The following ERCC8 variants were observed in gnomAD, a reference collection of about 807,000 sequenced individuals.
ERCC8 encodes the protein ERCC excision repair 8, CSA ubiquitin ligase complex subunit.
Under a neutral mutation model 54.9 loss-of-function variants are expected in ERCC8, and 52 were observed. The ratio of observed to expected loss-of-function variants is 0.95; its 90% CI spans 0.76 to 1.19. The LOEUF is 1.19. Ranked by LOEUF, ERCC8 falls within the 50% of genes most tolerant of loss-of-function variation. The probability of loss-of-function intolerance (pLI) is 0.00; values close to 1 mark genes in which losing one functional copy is unlikely to be tolerated. For missense variants in ERCC8, 514 were observed against 466.1 expected, an observed-to-expected ratio of 1.10 and a Z score of -0.95; for synonymous variants, 146 against 157.2, an observed-to-expected ratio of 0.93 and a Z score of 0.53.
At position 60,922,036 on chromosome 5, in the gene ERCC8, T is replaced by C; in HGVS notation, c.275+18A>G. On this transcript the variant is annotated intron_variant, in intron 3 of 11. Transcript: ENST00000676185. ...AACTATTTACAAATTCATAAATTTTTACATTTTAAATACATACCTGCCAAT... is the reference window on the plus strand; with the variant it reads ...AACTATTTACAAATTCATAAATTTTCACATTTTAAATACATACCTGCCAAT... 1 of 1,540,154 alleles carries C rather than the reference T, an allele frequency of 6.5e-7. No individual in the cohort carries two copies. The highest frequency in any genetic ancestry group is 8.9e-7 in the Non-Finnish European group (1 of 1,120,442).
intron 4 of ERCC8, among the ~76,000 whole-genome samples, chr5:60,906,594 T>A (rs1302346681): frequency 2.0e-5 from 3 of 151,878 alleles, no homozygotes; most frequent in Non-Finnish European, 4.4e-5. Context: ...CTGGGCGTGG[T>A]GGCAGGCGCC....
chr5:60,938,046 T>TACATAC (rs1750127700), intron 1 of ERCC8, among the ~76,000 whole-genome samples: 1 of 47,674 alleles, frequency 2.1e-5, no homozygotes, highest in South Asian at 7.8e-4. Flanking sequence ...CATACATACA[T>TACATAC]ACATATATAT....
At chr5:60,944,843 C>A (rs914987094) in intron 1 of ERCC8, 89 bp downstream of exon 1, 111 of 956,436 alleles carry the variant, frequency 1.2e-4, no homozygotes, top group Non-Finnish European at 1.8e-4. Context: ...GGCAGGAGAG[C>A]GATGAGACGG....
intron 8 of ERCC8, 52 bp from the exon 9 acceptor site, chr5:60,898,452 T>A (rs745361571): frequency 1.9e-6 from 3 of 1,603,428 alleles, no homozygotes; most frequent in Non-Finnish European, 2.6e-6. Context: ...CAGGACATAT[T>A]TAATGTTTGA....
Position 60,873,210 on chromosome 5 carries a change from T to C in ERCC8, c.*1405A>G, listed in dbSNP as rs574460265. Among the ~76,000 whole-genome samples the C allele has an allele frequency of 1.6e-4, 24 of 152,348 alleles. No individual in the cohort carries two copies. In the South Asian group the frequency reaches 4.8e-3, roughly 30 times the overall value. ...CCATGTGAGGCATATGTCAGTTAGC[T>C]AGATTTAGTCATTCTATAATGTATA... On this transcript the variant is annotated 3_prime_UTR_variant, in exon 12 of 12. Coordinates refer to ENST00000676185, the MANE Select transcript of ERCC8 (RefSeq NM_000082.4).
At chr5:60,881,738 A>T (rs1252960900) in intron 11 of ERCC8, among the ~76,000 whole-genome samples, 2 of 151,974 alleles carry the variant, frequency 1.3e-5, no homozygotes, top group Non-Finnish European at 2.9e-5. Context: ...GAGTGACCCG[A>T]TTTTCCAGGT....
intron 4 of ERCC8, among the ~76,000 whole-genome samples, chr5:60,916,401 G>GT (rs1194101590): frequency 5.3e-5 from 8 of 152,008 alleles, no homozygotes; most frequent in Non-Finnish European, 1.0e-4. Context: ...ATGCATTTCT[G>GT]TAAGTGTTCC....
At chr5:60,927,744 C>G (rs367814734) in intron 2 of ERCC8, among the ~76,000 whole-genome samples, 5 of 152,110 alleles carry the variant, frequency 3.3e-5, no homozygotes, top group African/African-American at 9.7e-5. Context: ...TGAGTGCCCC[C>G]CCAGCTGTCC....
intron 9 of ERCC8, among the ~76,000 whole-genome samples, chr5:60,896,442 C>T (rs2120957): frequency 0.39 from 58,691 of 151,792 alleles, 12,343 homozygotes; most frequent in East Asian, 0.8. Flanking sequence ...GATCTCCTGA[C>T]CTCGTGATCC....
At chr5:60,909,258 A>G in intron 4 of ERCC8, among the ~76,000 whole-genome samples, 1 of 140,138 alleles carries the variant, frequency 7.1e-6, no homozygotes, top group Non-Finnish European at 1.5e-5. Flanking sequence ...AAAAAAAAAA[A>G]AAAAAAAAAA....
intron 11 of ERCC8, among the ~76,000 whole-genome samples, chr5:60,875,699 T>A (rs1363129155): frequency 6.7e-6 from 1 of 150,218 alleles, no homozygotes; most frequent in East Asian, 1.9e-4. Context: ...CTTAGAGAAA[T>A]TTTTTTTTTC....
chr5:60,932,470 G>A (rs908933928), intron 1 of ERCC8, among the ~76,000 whole-genome samples: 4 of 152,078 alleles, frequency 2.6e-5, no homozygotes, highest in South Asian at 2.1e-4. Flanking sequence ...CTTTATGAAC[G>A]GTACCCAGTA....
intron 4 of ERCC8, among the ~76,000 whole-genome samples, chr5:60,908,583 A>ATATATAT (rs527918086): frequency 1.4e-5 from 2 of 141,892 alleles, no homozygotes; most frequent in Admixed American, 7.1e-5. Context: ...ATATATATAT[A>ATATATAT]TTTTTTTTTT....
At chr5:60,911,119 G>A (rs1184800801) in intron 4 of ERCC8, among the ~76,000 whole-genome samples, 1 of 152,022 alleles carries the variant, frequency 6.6e-6, no homozygotes, top group Admixed American at 6.6e-5. Context: ...GTGCAGGTTT[G>A]TTACATAGGT....
At chr5:60,910,152 C>T (rs1475986820) in intron 4 of ERCC8, among the ~76,000 whole-genome samples, 1 of 152,088 alleles carries the variant, frequency 6.6e-6, no homozygotes, top group African/African-American at 2.4e-5. Context: ...CTTCCCTAAC[C>T]TCCACACTAT....
chr5:60,920,553 G>C (rs950879174), intron 3 of ERCC8, among the ~76,000 whole-genome samples: 2 of 151,872 alleles, frequency 1.3e-5, no homozygotes. Context: ...TCAGAAAATA[G>C]TCTAAGTCAC....
intron 6 of ERCC8, chr5:60,903,395 C>A: frequency 2.2e-6 from 1 of 458,132 alleles, no homozygotes; most frequent in Non-Finnish European, 3.8e-6. Context: ...AGAAATAACA[C>A]AAGGTTTTGA....
chr5:60,906,390 A>T (rs1164860979), intron 4 of ERCC8, among the ~76,000 whole-genome samples: 1 of 151,688 alleles, frequency 6.6e-6, no homozygotes, highest in Non-Finnish European at 1.5e-5. Context: ...GTCTCTCATT[A>T]GCTTTACAAA....
At chr5:60,924,669 CAT>C (rs1047123477) in intron 2 of ERCC8, among the ~76,000 whole-genome samples, 4 of 152,072 alleles carry the variant, frequency 2.6e-5, no homozygotes, top group Non-Finnish European at 5.9e-5. Flanking sequence ...GAACTTCTAT[CAT>C]ATGTTATGCT....
Sources: allele counts gnomAD v4.1 joint callset (sites outside exome capture counted in the v4.1 genomes callset), GRCh38; gene constraint gnomAD v4.1.1; transcripts MANE v1.5; gene names NCBI Gene and HGNC (gene_info 2026-07-23, HGNC 2026-07-21).